Variants in TBCE observed in about 807,000 individuals in gnomAD.
TBCE encodes the protein tubulin-specific chaperone E.
A neutral mutation model predicts 77.0 loss-of-function variants in TBCE; 53 were observed. The observed-to-expected ratio is 0.69, with a 90% CI of 0.55 to 0.87. TBCE has a LOEUF of 0.87. Ranked by LOEUF, TBCE falls within the 40% of genes least tolerant of loss-of-function variation. The pLI, the probability that TBCE is intolerant of heterozygous loss-of-function variation, is 0.00. For synonymous variants in TBCE, 235 were observed against 241.3 expected (o/e 0.97, Z 0.24); for missense variants, 624 against 622.4 (o/e 1.00, Z -0.03).
At chr1:235,427,401 A>AT (rs1478317198) in intron 6 of TBCE, among the ~76,000 whole-genome samples, 162 bp downstream of exon 6, 1 of 152,228 alleles carries the variant, frequency 6.6e-6, no homozygotes, top group African/African-American at 2.4e-5. Context: ...TAGTGAGGGT[A>AT]TGGAAGTCCT....
chr1:235,374,016 C>T lies in TBCE; in HGVS notation c.-31-6003C>T, dbSNP rs1472657570. Among the ~76,000 whole-genome samples, 5 of 144,550 alleles carry T rather than the reference C, an allele frequency of 3.5e-5. 2 individuals carry two copies. Among genetic ancestry groups the T allele is most frequent in the African/African-American group, 1.1e-4 (4 of 37,226 alleles). 94.8% of individuals were successfully genotyped at this position (144,550 alleles called of 152,430 possible). On this transcript the variant is annotated intron_variant, in intron 1 of 16. Transcript: ENST00000642610. ...TTGAGACTGAGTCTTTCTTTGTTGC[C>T]CAGGCTGGAATGCAATGGCATACCT...
intron 2 of TBCE, among the ~76,000 whole-genome samples, chr1:235,388,669 A>G (rs921041968): frequency 3.9e-5 from 6 of 152,216 alleles, no homozygotes; most frequent in African/African-American, 1.2e-4. Context: ...AAGTCAGTCA[A>G]TGTCCGGTAC....
chr1:235,399,800 C>T (rs1253934135), intron 2 of TBCE, among the ~76,000 whole-genome samples: 4 of 152,166 alleles, frequency 2.6e-5, no homozygotes, highest in South Asian at 2.1e-4. Flanking sequence ...AAGTTCCAGA[C>T]GCCCAGGCTA....
At chr1:235,385,768 TC>T (rs1014344694) in intron 2 of TBCE, among the ~76,000 whole-genome samples, 3 of 152,182 alleles carry the variant, frequency 2.0e-5, no homozygotes, top group African/African-American at 4.8e-5. Flanking sequence ...TGACTCTTTA[TC>T]CAATTTGCCA....
intron 2 of TBCE, among the ~76,000 whole-genome samples, chr1:235,395,229 G>A (rs949488504): frequency 3.3e-5 from 5 of 152,102 alleles, no homozygotes; most frequent in African/African-American, 9.7e-5. Context: ...TTTAATTTTT[G>A]TGGGTACATA....
At chr1:235,448,199 A>AG (rs1223961585) in intron 15 of TBCE, 150 bp from the exon 16 acceptor site, 17 of 693,488 alleles carry the variant, frequency 2.5e-5, no homozygotes, top group Non-Finnish European at 4.3e-5. Flanking sequence ...GACTTACTTA[A>AG]GTAAGTAAGT....
intron 2 of TBCE, among the ~76,000 whole-genome samples, chr1:235,398,109 G>C (rs915054135): frequency 6.6e-6 from 1 of 150,506 alleles, no homozygotes; most frequent in Non-Finnish European, 1.5e-5. Flanking sequence ...AACCCATTCT[G>C]ATAGTTTCTA....
At chr1:235,398,656 T>C (rs1344603657) in intron 2 of TBCE, among the ~76,000 whole-genome samples, 1 of 147,714 alleles carries the variant, frequency 6.8e-6, no homozygotes, top group Non-Finnish European at 1.5e-5. Flanking sequence ...TCTTACTCCA[T>C]TGCTCAGGCT....
chr1:235,378,783 C>T (rs1388809142), intron 1 of TBCE, among the ~76,000 whole-genome samples: 3 of 152,138 alleles, frequency 2.0e-5, no homozygotes, highest in Non-Finnish European at 4.4e-5. Context: ...ATTGCTTGAA[C>T]CCAGCAGGCA....
In TBCE at chr1:235,370,898, C is replaced by T. The variant is rs527553628; in HGVS notation, c.-32+3394C>T. On this transcript the variant is annotated intron_variant, in intron 1 of 16. Transcript: ENST00000642610. The stretch of plus-strand genomic sequence containing the variant: ...CTGGGATTACAGGCGCACGCCACCA[C>T]GCCCAGCTCTTTTTTGTATTTTTAG... Among the ~76,000 whole-genome samples the T allele has an allele frequency of 4.7e-5, 7 of 149,854 alleles. No homozygotes were observed. The South Asian group carries it at 1.3e-3, about 27-fold the overall frequency.
chr1:235,415,422 C>G (rs1276924657), intron 4 of TBCE: 2 of 152,244 alleles, frequency 1.3e-5, no homozygotes, highest in Non-Finnish European at 2.9e-5. Flanking sequence ...AGTATTTACA[C>G]AAAACCAGTC....
rs386370043 is a variant in TBCE at position 235,394,418 on chromosome 1, C to CTTTTTTTT, written c.101-7067_101-7060dup. On this transcript the variant is annotated intron_variant, in intron 2 of 16. Coordinates refer to ENST00000642610, the MANE Select transcript of TBCE (RefSeq NM_003193.5). ...GACATTTGATAATTTTTGATAATTT[C>CTTTTTTTT]TTTTTTTTTTTTTTTTTTTTTTTTT... 7.6e-4 allele frequency among the ~76,000 whole-genome samples: 55 copies of CTTTTTTTT among 72,318 alleles called. 1 individual carries two copies. The highest frequency in any genetic ancestry group is 1.6e-3 in the East Asian group (3 of 1,918). The allele number at this position is 72,318 out of a possible 152,430, so 47.4% of individuals were successfully genotyped here.
chr1:235,425,399 C>T (rs569421378), intron 5 of TBCE, among the ~76,000 whole-genome samples: 29 of 152,234 alleles, frequency 1.9e-4, no homozygotes, highest in African/African-American at 7.0e-4. Context: ...TGGTTTGCTC[C>T]GGCCTCCTGG....
intron 6 of TBCE, 138 bp downstream of exon 6, chr1:235,427,377 AT>A (rs1334885006): frequency 1.4e-6 from 1 of 718,510 alleles, no homozygotes; most frequent in Non-Finnish European, 2.5e-6. Context: ...TTAAGAAGGA[AT>A]TACTCAGGCT....
intron 7 of TBCE, 92 bp downstream of exon 7, chr1:235,430,896 C>CT: frequency 1.9e-6 from 2 of 1,035,934 alleles, no homozygotes; most frequent in South Asian, 1.4e-5. Flanking sequence ...AATAGTACAA[C>CT]TGTGGCTTCA....
In TBCE at chr1:235,434,251, T is replaced by G. The variant is rs141498084; in HGVS notation, c.708T>G (p.Leu236=). 3.2e-5 allele frequency: 52 copies of G among 1,614,020 alleles called. No homozygotes were observed. The African/African-American group carries it at 6.7e-4, about 21-fold the overall frequency. The change falls in exon 8 of 17, where the codon CTT becomes CTG. Residue 236 remains leucine, a synonymous_variant. Transcript: ENST00000642610. ...AGCPGLEELY[L]ESNNIFISER... Reference sequence around the variant, plus strand: ...GCCCAGGCCTGGAGGAACTCTACCTTGAGTCTAACAACATTTTCATTTCCG... The same window carrying G: ...GCCCAGGCCTGGAGGAACTCTACCTGGAGTCTAACAACATTTTCATTTCCG...
intron 2 of TBCE, among the ~76,000 whole-genome samples, chr1:235,383,243 G>A (rs1677788965): frequency 6.6e-6 from 1 of 151,780 alleles, no homozygotes; most frequent in East Asian, 1.9e-4. Context: ...TTGAAGTCAG[G>A]TAGTGTGATG....
Position 235,447,940 on chromosome 1 carries a change from TG to T in TBCE, c.1400-406del, listed in dbSNP as rs1311609915. Among the ~76,000 whole-genome samples, 4 of 151,960 alleles carry T rather than the reference TG, an allele frequency of 2.6e-5. No individual in the cohort carries two copies. In the East Asian group the frequency reaches 7.7e-4, roughly 29 times the overall value. On this transcript the variant is annotated intron_variant, in intron 15 of 16. Coordinates refer to ENST00000642610, the MANE Select transcript of TBCE (RefSeq NM_003193.5). ...TAAAATGAAAGATACAGCCAGGCGC[TG>T]GGCTCATGCTTGTAATCCCAGCACT...
At chr1:235,432,631 C>T (rs2102916997) in intron 7 of TBCE, among the ~76,000 whole-genome samples, 1 of 152,216 alleles carries the variant, frequency 6.6e-6, no homozygotes, top group South Asian at 2.1e-4. Flanking sequence ...GGTGACAGAG[C>T]AAGACGCATC....
Sources: gnomAD v4.1 joint callset for allele counts (sites outside exome capture counted in the v4.1 genomes callset) on GRCh38, gnomAD v4.1.1 for gene constraint, MANE v1.5 for transcripts, NCBI Gene and HGNC (gene_info 2026-07-23, HGNC 2026-07-21) for gene names.